PRDM11: variants seen among roughly 807,000 people sequenced by gnomAD.
PRDM11 encodes PR domain-containing protein 11.
Under a neutral mutation model 97.8 loss-of-function variants are expected in PRDM11, and 20 were observed. That is an observed-to-expected ratio of 0.20 (90% CI 0.14 to 0.30). The LOEUF is 0.30. Among genes scored for constraint, PRDM11 ranks in the 10% least tolerant of loss-of-function variants. The pLI, the probability that PRDM11 is intolerant of heterozygous loss-of-function variation, is 1.00. For missense variants in PRDM11, 1,139 were observed against 1,555.2 expected, an observed-to-expected ratio of 0.73 and a Z score of 4.50; for synonymous variants, 599 against 637.7, an observed-to-expected ratio of 0.94 and a Z score of 0.91.
At chr11:45,154,343 G>A (rs778711782) in intron 1 of PRDM11, among the ~76,000 whole-genome samples, 2 of 152,142 alleles carry the variant, frequency 1.3e-5, no homozygotes, top group Admixed American at 6.5e-5. Flanking sequence ...GAGACAGAGT[G>A]AGACCCTGTC....
At position 45,194,590 on chromosome 11, in the gene PRDM11, C is replaced by CTTTTTTTTTT. The variant is rs1183339151; in HGVS notation, c.487-10120_487-10119insTTTTTTTTTT. Among the ~76,000 whole-genome samples the CTTTTTTTTTT allele has an allele frequency of 2.9e-4, 26 of 89,960 alleles. 4 individuals are homozygous for CTTTTTTTTTT. The highest frequency in any genetic ancestry group is 4.4e-4 in the Admixed American group (3 of 6,886). 59.0% of individuals were successfully genotyped at this position (89,960 alleles called of 152,430 possible). A position where few individuals can be genotyped will look rare whatever the true frequency, so the allele number is the denominator to read the frequency against. On this transcript the variant is annotated intron_variant, in intron 4 of 7. Transcript: ENST00000683152. ...AGTACTGTGGGATAGTTATTATCTT[C>CTTTTTTTTTT]TGTTTTTTTTTTTTTTTTTTTTTTT...
chr11:45,175,734 G>T lies in PRDM11; in HGVS notation c.-6-6027G>T, dbSNP rs368701287. Among the ~76,000 whole-genome samples, 45 of 152,272 alleles carry T rather than the reference G, an allele frequency of 3.0e-4. No homozygotes were observed. The East Asian group carries it at 3.5e-3, about 12-fold the overall frequency. ...TTACTTTGAGGATTTTGATACATGTGCCAAATTACCCTCCAGAAAGGTTAC... is the reference window on the plus strand; with the variant it reads ...TTACTTTGAGGATTTTGATACATGTTCCAAATTACCCTCCAGAAAGGTTAC... On this transcript the variant is annotated intron_variant, in intron 1 of 7. Transcript: ENST00000683152.
Position 45,231,705 on chromosome 11 carries a change from CA to C in PRDM11, c.*3549del, listed in dbSNP as rs1051392993. On this transcript the variant is annotated 3_prime_UTR_variant, in exon 8 of 8. Coordinates refer to ENST00000683152, the MANE Select transcript of PRDM11 (RefSeq NM_001384648.1). ...TGATCTGCTTTTCCTTCATGGAGGA[CA>C]AAGAAAAAATCCACTGCCATCTAGT... 2 of 151,202 alleles carry C rather than the reference CA, an allele frequency of 1.3e-5. No homozygotes were observed. The allele number at this position is 151,202 out of a possible 1,614,324, so 9.4% of individuals were successfully genotyped here.
At chr11:45,177,431 C>G (rs1215402035) in intron 1 of PRDM11, among the ~76,000 whole-genome samples, 2 of 152,234 alleles carry the variant, frequency 1.3e-5, no homozygotes, top group Admixed American at 1.3e-4. Flanking sequence ...GGGGCTTTAC[C>G]TGGGCCAGGC....
chr11:45,154,835 C>A (rs1344052518), intron 1 of PRDM11, among the ~76,000 whole-genome samples: 1 of 152,180 alleles, frequency 6.6e-6, no homozygotes, highest in Non-Finnish European at 1.5e-5. Context: ...AGAGCTCATA[C>A]AGTTTAGGAA....
chr11:45,196,011 C>T (rs1002460144), intron 4 of PRDM11, among the ~76,000 whole-genome samples: 2 of 152,122 alleles, frequency 1.3e-5, no homozygotes, highest in African/African-American at 2.4e-5. Context: ...CATGCGGACA[C>T]GTGTTTTTAT....
upstream of PRDM11, among the ~76,000 whole-genome samples, chr11:45,144,106 A>G (rs188527176): frequency 2.9e-4 from 44 of 152,292 alleles, no homozygotes; most frequent in African/African-American, 9.9e-4. Context: ...GTTTCCAACA[A>G]TTCCCCCAGC....
intron 4 of PRDM11, among the ~76,000 whole-genome samples, chr11:45,192,743 GT>G (rs1397559585): frequency 6.6e-6 from 1 of 152,102 alleles, no homozygotes; most frequent in African/African-American, 2.4e-5. Flanking sequence ...TTATTTTCAT[GT>G]TACTTAAAAA....
intron 1 of PRDM11, among the ~76,000 whole-genome samples, chr11:45,112,356 G>A (rs1395558880): frequency 1.3e-5 from 2 of 152,226 alleles, no homozygotes; most frequent in Non-Finnish European, 2.9e-5. Context: ...GGGCACTTAG[G>A]TTGGCTCCAT....
intron 5 of PRDM11, among the ~76,000 whole-genome samples, chr11:45,207,566 A>C (rs1428208314): frequency 6.6e-6 from 1 of 152,210 alleles, no homozygotes; most frequent in Non-Finnish European, 1.5e-5. Context: ...CCAACTGCCA[A>C]TAGTGGCAAG....
rs1417621543 is a variant in PRDM11, at chr11:45,232,790, G to C, written c.*4631G>C. 1 of 152,208 alleles carries C rather than the reference G, an allele frequency of 6.6e-6. No individual in the cohort carries two copies. The highest frequency in any genetic ancestry group is 1.5e-5 in the Non-Finnish European group (1 of 68,060). The allele number at this position is 152,208 out of a possible 1,614,324, so 9.4% of individuals were successfully genotyped here. On this transcript the variant is annotated 3_prime_UTR_variant, in exon 8 of 8. Transcript: ENST00000683152. ...GTTGGTTAGGGTGCTTGAGCTGAGT[G>C]GATGGTGCTGTGATATTTTTAAGGA...
intron 1 of PRDM11, among the ~76,000 whole-genome samples, chr11:45,125,127 A>T (rs1852534702): frequency 6.6e-6 from 1 of 152,002 alleles, no homozygotes; most frequent in South Asian, 2.1e-4. Flanking sequence ...TTATTTGCAT[A>T]GAGGTGTTTG....
At position 45,227,230 on chromosome 11, in the gene PRDM11, C is replaced by T. The variant is rs538055798; in HGVS notation, c.2605C>T (p.Leu869=). The stretch of plus-strand genomic sequence containing the variant: ...CGCCTCGGCCATCGCACTGGCCCTG[C>T]TGCAGTTCCTCATGGACTACCAGTC... ...ADASAIALAL[L]QFLMDYQSIK... is the part of the protein sequence containing the mutation. The change falls in exon 8 of 8, where the codon CTG becomes TTG. Residue 869 remains leucine, a synonymous_variant. Coordinates refer to ENST00000683152, the MANE Select transcript of PRDM11 (RefSeq NM_001384648.1). The surrounding 1 kb of genome is among the most constrained non-coding windows in gnomAD (Gnocchi z 8.0). 2 of 1,533,988 alleles carry T rather than the reference C, an allele frequency of 1.3e-6. No homozygotes were observed. Among genetic ancestry groups the T allele is most frequent in the Non-Finnish European group, 1.7e-6 (2 of 1,146,730 alleles).
intron 4 of PRDM11, among the ~76,000 whole-genome samples, chr11:45,197,341 G>C (rs1011721546): frequency 2.0e-5 from 3 of 152,072 alleles, no homozygotes; most frequent in African/African-American, 4.8e-5. Context: ...CCAGTGGCTG[G>C]GAAAGAGGGA....
At chr11:45,139,490 C>T (rs1852950234) in intron 1 of PRDM11, among the ~76,000 whole-genome samples, 1 of 147,310 alleles carries the variant, frequency 6.8e-6, no homozygotes, top group East Asian at 2.0e-4. Flanking sequence ...TCGTTTGAAC[C>T]CAGGAGGCGG....
At position 45,219,916 on chromosome 11, in the gene PRDM11, G is replaced by A. The variant is rs1854070244; in HGVS notation, c.742+159G>A. 6.6e-6 allele frequency among the ~76,000 whole-genome samples: 1 copy of A among 152,092 alleles called. No homozygotes were observed. Among genetic ancestry groups the A allele is most frequent in the Non-Finnish European group, 1.5e-5 (1 of 68,026 alleles). ...GGTTGAGGTCTGAGCAGCAGCTCTG[G>A]GCCAAGCAGGGGCCACCCCAGCATG... On this transcript the variant is annotated intron_variant, in intron 6 of 7. Coordinates refer to ENST00000683152, the MANE Select transcript of PRDM11 (RefSeq NM_001384648.1). The surrounding 1 kb of genome is among the most constrained non-coding windows in gnomAD (Gnocchi z 4.2).
chr11:45,103,807 T>C (rs1852018786), intron 1 of PRDM11, among the ~76,000 whole-genome samples: 2 of 149,262 alleles, frequency 1.3e-5, no homozygotes, highest in Non-Finnish European at 3.0e-5. Context: ...AAATTATACC[T>C]CAACAAGAAA....
intron 1 of PRDM11, among the ~76,000 whole-genome samples, chr11:45,134,767 T>A (rs1590366599): frequency 6.7e-6 from 1 of 149,062 alleles, no homozygotes; most frequent in East Asian, 1.9e-4. Flanking sequence ...ACATTTTTTT[T>A]AATTTTTAAA....
chr11:45,202,255 C>G (rs947377449), intron 4 of PRDM11, among the ~76,000 whole-genome samples: 10 of 152,242 alleles, frequency 6.6e-5, no homozygotes, highest in African/African-American at 2.4e-4. Context: ...GTGCTTTGCA[C>G]TCATTAGCTT....
Sources: allele counts gnomAD v4.1 joint callset (sites outside exome capture counted in the v4.1 genomes callset), GRCh38; gene constraint gnomAD v4.1.1; non-coding constraint Gnocchi (gnomAD v3.1); transcripts MANE v1.5; gene names NCBI Gene and HGNC (gene_info 2026-07-23, HGNC 2026-07-21).